Variants in DYNC2LI1 observed in about 807,000 individuals in gnomAD.
DYNC2LI1 encodes the protein cytoplasmic dynein 2 light intermediate chain 1.
A neutral mutation model predicts 51.9 loss-of-function variants in DYNC2LI1; 45 were observed. That is an observed-to-expected ratio of 0.87 (90% confidence interval 0.68 to 1.11). The LOEUF (loss-of-function observed/expected upper bound fraction) is 1.11, where lower values mean the gene tolerates loss of function less well. Ranked by LOEUF, DYNC2LI1 falls within the 50% of genes most tolerant of loss-of-function variation. DYNC2LI1 has a pLI of 0.00. For synonymous variants in DYNC2LI1, 130 were observed against 137.8 expected (o/e 0.94, Z 0.40); for missense variants, 490 against 417.4 (o/e 1.17, Z -1.51).
Position 43,774,149 on chromosome 2 carries a change from A to G in DYNC2LI1, c.8+3A>G, listed in dbSNP as rs368137931. 6.2e-7 allele frequency: 1 copy of G among 1,613,994 alleles called. No individual in the cohort carries two copies. Among genetic ancestry groups the G allele is most frequent in the Non-Finnish European group, 8.5e-7 (1 of 1,179,958 alleles). On this transcript the variant is annotated splice_donor_region_variant and intron_variant, in intron 1 of 12. Coordinates refer to ENST00000260605, the MANE Select transcript of DYNC2LI1 (RefSeq NM_016008.4). The stretch of plus-strand genomic sequence containing the variant: ...GCCAGGCCGTCGACGATGCCCAGGT[A>G]TTCCCTGAACCCGGCTTGCGTGGGA...
chr2:43,807,743 C>CAAAAAAAA (rs536977133), intron 12 of DYNC2LI1, among the ~76,000 whole-genome samples: 3 of 41,614 alleles, frequency 7.2e-5, no homozygotes, highest in Non-Finnish European at 9.4e-5. Flanking sequence ...TTTGTTAAAG[C>CAAAAAAAA]AAAAAAAAAA....
At chr2:43,785,490 C>G (rs1383732903) in intron 3 of DYNC2LI1, among the ~76,000 whole-genome samples, 1 of 151,666 alleles carries the variant, frequency 6.6e-6, no homozygotes, top group African/African-American at 2.4e-5. Flanking sequence ...TCCCAGCACT[C>G]TGGGAGGCCG....
chr2:43,809,690 A>G lies in DYNC2LI1; in HGVS notation c.994-15A>G, dbSNP rs1666412110. 1 of 1,590,862 alleles carries G rather than the reference A, an allele frequency of 6.3e-7. No homozygotes were observed. Reference sequence around the variant, plus strand: ...AAGTTGATTTTTCTTAAAGTGATACATATTTTTGTTTTAGGAACTGGAACA... The same window carrying G: ...AAGTTGATTTTTCTTAAAGTGATACGTATTTTTGTTTTAGGAACTGGAACA... On this transcript the variant is annotated splice_polypyrimidine_tract_variant and intron_variant, in intron 12 of 12. Transcript: ENST00000260605.
At chr2:43,813,351 C>T (rs771224255), downstream of DYNC2LI1, 7 of 1,426,858 alleles carry the variant, frequency 4.9e-6, no homozygotes, top group South Asian at 8.2e-5. Context: ...TGGTTTATCT[C>T]AGGTAATTTA....
At chr2:43,822,609 A>C in the DYNC2LI1 span, 1 of 985,280 alleles carries the variant, frequency 1.0e-6, no homozygotes. Context: ...GGTCTCCTGC[A>C]ACCCACAGTT....
chr2:43,818,693 C>G, the DYNC2LI1 span, among the ~76,000 whole-genome samples: 1 of 152,154 alleles, frequency 6.6e-6, no homozygotes, highest in East Asian at 1.9e-4. Flanking sequence ...GCAACACGGA[C>G]AAATACAATA....
the DYNC2LI1 span, among the ~76,000 whole-genome samples, chr2:43,816,269 A>C: frequency 6.6e-6 from 1 of 152,226 alleles, no homozygotes; most frequent in Non-Finnish European, 1.5e-5. Context: ...TAAAATGATG[A>C]ATGAGACACA....
At position 43,779,887 on chromosome 2, in the gene DYNC2LI1, C is replaced by T. The variant is rs186891698; in HGVS notation, c.126+2988C>T. On this transcript the variant is annotated intron_variant, in intron 2 of 12. Transcript: ENST00000260605. ...AGTACATGGTTTTTCTCCACCATCA[C>T]TCACTTGCATGGGTGCAGGCATGGA... Among the ~76,000 whole-genome samples the T allele has an allele frequency of 4.6e-4, 70 of 152,322 alleles. No homozygotes were observed. The East Asian group carries it at 5.2e-3, about 11-fold the overall frequency.
the DYNC2LI1 span, among the ~76,000 whole-genome samples, chr2:43,827,686 G>A: frequency 6.6e-6 from 1 of 152,330 alleles, no homozygotes; most frequent in East Asian, 1.9e-4. Flanking sequence ...GCCCTGGTGA[G>A]AAGAAATGAT....
intron 6 of DYNC2LI1, among the ~76,000 whole-genome samples, chr2:43,795,507 G>GA (rs1307862639): frequency 1.4e-5 from 2 of 145,366 alleles, no homozygotes; most frequent in Non-Finnish European, 3.0e-5. Flanking sequence ...TGCCTCAAAA[G>GA]AAAAAAAAAG....
intron 12 of DYNC2LI1, among the ~76,000 whole-genome samples, chr2:43,809,282 G>C (rs761127129): frequency 6.6e-6 from 1 of 152,026 alleles, no homozygotes; most frequent in Non-Finnish European, 1.5e-5. Context: ...ATGAGCCACC[G>C]CACCCAGCCT....
the DYNC2LI1 span, among the ~76,000 whole-genome samples, chr2:43,827,829 CA>C: frequency 6.6e-6 from 1 of 151,948 alleles, no homozygotes; most frequent in African/African-American, 2.4e-5. Flanking sequence ...ACAGCATTTC[CA>C]AAAAAACTGG....
Position 43,794,619 on chromosome 2 carries a change from G to C in DYNC2LI1, c.483G>C (p.Trp161Cys). Residue 161 changes from tryptophan (W) to cysteine (C), a missense_variant, in exon 6 of 13, where the codon TGG becomes TGC. Coordinates refer to ENST00000260605, the MANE Select transcript of DYNC2LI1 (RefSeq NM_016008.4). ...TTTCTGAAATGAGACAGAAGATCTGGAATAATATGCCGAAGGATCATCCTG... is the reference window on the plus strand; with the variant it reads ...TTTCTGAAATGAGACAGAAGATCTGCAATAATATGCCGAAGGATCATCCTG... ...KAVSEMRQKIWNNMPKDHPDH... is the reference protein window; with the variant it reads ...KAVSEMRQKICNNMPKDHPDH... 6.2e-7 allele frequency: 1 copy of C among 1,614,068 alleles called. No individual in the cohort carries two copies. The highest frequency in any genetic ancestry group is 8.5e-7 in the Non-Finnish European group (1 of 1,180,004).
rs542273433 is a variant in DYNC2LI1, at chr2:43,795,788, A to G, written c.508-102A>G. ...TGTCAAGCAAATTAAGTAAACATCT[A>G]TGAAGAGACTGAAAATGGAATGTTT... On this transcript the variant is annotated intron_variant, in intron 6 of 12. Transcript: ENST00000260605. The G allele has an allele frequency of 1.7e-3, 1,467 of 865,640 alleles. 2 individuals carry two copies. Among genetic ancestry groups the G allele is most frequent in the Non-Finnish European group, 2.3e-3 (1,201 of 519,420 alleles). The allele number at this position is 865,640 out of a possible 1,614,324, so 53.6% of individuals were successfully genotyped here.
chr2:43,791,740 T>C (rs1230472809), intron 5 of DYNC2LI1, among the ~76,000 whole-genome samples: 2 of 152,252 alleles, frequency 1.3e-5, no homozygotes, highest in African/African-American at 4.8e-5. Context: ...TGCCAAATAC[T>C]GTTAGATACT....
chr2:43,792,394 T>A (rs1673830783), intron 5 of DYNC2LI1, among the ~76,000 whole-genome samples: 1 of 152,202 alleles, frequency 6.6e-6, no homozygotes, highest in African/African-American at 2.4e-5. Flanking sequence ...TTTGCTGTGT[T>A]GATCAAGGAT....
In DYNC2LI1 at chr2:43,784,024, G is replaced by A. The variant is rs756018650; in HGVS notation, c.161+470G>A. Among the ~76,000 whole-genome samples the A allele has an allele frequency of 2.0e-5, 3 of 152,236 alleles. No homozygotes were observed. In the South Asian group the frequency reaches 6.2e-4, roughly 32 times the overall value. On this transcript the variant is annotated intron_variant, in intron 3 of 12. Coordinates refer to ENST00000260605, the MANE Select transcript of DYNC2LI1 (RefSeq NM_016008.4). ...CAGGCCATCAGATTAAGATTTAGCAGTATGATTGGTAGATGTTTCAGGAAG... is the reference window on the plus strand; with the variant it reads ...CAGGCCATCAGATTAAGATTTAGCAATATGATTGGTAGATGTTTCAGGAAG...
At chr2:43,775,523 A>G (rs1672971410) in intron 1 of DYNC2LI1, among the ~76,000 whole-genome samples, 1 of 151,148 alleles carries the variant, frequency 6.6e-6, no homozygotes, top group African/African-American at 2.4e-5. Context: ...GGGGGAGACA[A>G]GGTCTTGCTG....
intron 2 of DYNC2LI1, among the ~76,000 whole-genome samples, chr2:43,780,746 G>A (rs930430905): frequency 3.3e-5 from 5 of 152,076 alleles, no homozygotes; most frequent in African/African-American, 4.8e-5. Flanking sequence ...ATTAAGGGAT[G>A]TTTACAGAGT....
Sources: allele counts gnomAD v4.1 joint callset (sites outside exome capture counted in the v4.1 genomes callset), GRCh38; gene constraint gnomAD v4.1.1; transcripts MANE v1.5; gene names NCBI Gene and HGNC (gene_info 2026-07-23, HGNC 2026-07-21).